Variants in GPHN observed in about 807,000 individuals in gnomAD.
GPHN encodes gephyrin.
Under a neutral mutation model 95.5 loss-of-function variants are expected in GPHN, and 17 were observed. The observed-to-expected ratio is 0.18, with a 90% CI of 0.12 to 0.27. The LOEUF is 0.27. Among genes scored for constraint, GPHN ranks in the 10% least tolerant of loss-of-function variants. GPHN has a pLI of 1.00. For missense variants in GPHN, 660 were observed against 978.1 expected (o/e 0.67, Z 4.34); for synonymous variants, 320 against 322.5 (o/e 0.99, Z 0.08).
At chr14:67,224,910 T>C in the GPHN span, 1 of 437,280 alleles carries the variant, frequency 2.3e-6, no homozygotes, top group Non-Finnish European at 4.0e-6. Flanking sequence ...GGGAACCTGC[T>C]TGTGAAATTC....
intron 2 of GPHN, among the ~76,000 whole-genome samples, chr14:66,698,810 C>T (rs545046760): frequency 2.0e-5 from 3 of 152,216 alleles, no homozygotes; most frequent in African/African-American, 7.2e-5. Flanking sequence ...CTCTGGGGAA[C>T]CTGCATGTAT....
intron 3 of GPHN, among the ~76,000 whole-genome samples, chr14:66,813,481 G>T (rs1450967151): frequency 1.3e-5 from 2 of 152,208 alleles, no homozygotes; most frequent in African/African-American, 4.8e-5. Context: ...AACAGCTCCA[G>T]GAGCATGGGT....
the GPHN span, chr14:67,575,543 C>T: frequency 1.1e-6 from 1 of 947,074 alleles, no homozygotes; most frequent in South Asian, 1.4e-5. Context: ...ACTCTATGTC[C>T]TGATGAAAGT....
At chr14:67,727,741 G>C in the GPHN span, 1 of 177,600 alleles carries the variant, frequency 5.6e-6, no homozygotes, top group African/African-American at 2.4e-5. Flanking sequence ...AGAGGCCTTT[G>C]GTAACAGGTA....
intron 8 of GPHN, among the ~76,000 whole-genome samples, chr14:66,955,624 A>T (rs1459152592): frequency 6.6e-6 from 1 of 152,150 alleles, no homozygotes; most frequent in Non-Finnish European, 1.5e-5. Context: ...ATATGTATAC[A>T]TGTGCCATGT....
chr14:66,871,268 T>G (rs1038565371), intron 4 of GPHN, among the ~76,000 whole-genome samples: 2 of 152,220 alleles, frequency 1.3e-5, no homozygotes, highest in African/African-American at 4.8e-5. Flanking sequence ...AGTGAAATAC[T>G]CCCTTTCAGC....
At chr14:67,088,602 T>A (rs2077003619) in intron 11 of GPHN, among the ~76,000 whole-genome samples, 1 of 152,228 alleles carries the variant, frequency 6.6e-6, no homozygotes, top group Non-Finnish European at 1.5e-5. Context: ...TCCATTTTCC[T>A]ACGATAGATT....
chr14:66,825,978 T>A (rs1030374273), intron 4 of GPHN, among the ~76,000 whole-genome samples: 24 of 152,338 alleles, frequency 1.6e-4, no homozygotes, highest in African/African-American at 5.5e-4. Flanking sequence ...TGACTACTTA[T>A]GTTAAGATAT....
chr14:66,567,587 A>T (rs1198215067), intron 1 of GPHN, among the ~76,000 whole-genome samples: 3 of 152,180 alleles, frequency 2.0e-5, no homozygotes, highest in Admixed American at 6.5e-5. Context: ...CAGTAATGCA[A>T]CCTGGTTTAT....
chr14:67,196,497 T>C, the GPHN span, among the ~76,000 whole-genome samples: 1 of 152,202 alleles, frequency 6.6e-6, no homozygotes, highest in Non-Finnish European at 1.5e-5. Flanking sequence ...GCTGGGATTA[T>C]AGGCGTGAGC....
intron 8 of GPHN, among the ~76,000 whole-genome samples, chr14:66,953,090 A>G (rs1409275344): frequency 3.3e-5 from 4 of 121,438 alleles, no homozygotes; most frequent in African/African-American, 1.8e-4. Flanking sequence ...GATGCTGAAC[A>G]TCTCTTCATA....
chr14:66,966,966 AAT>A (rs1374630594), intron 9 of GPHN, among the ~76,000 whole-genome samples: 21 of 151,978 alleles, frequency 1.4e-4, no homozygotes, highest in Non-Finnish European at 2.7e-4. Context: ...GAAAAATAAT[AAT>A]GTTAATATTC....
the GPHN span, among the ~76,000 whole-genome samples, chr14:67,608,618 G>A: frequency 6.6e-6 from 1 of 152,156 alleles, no homozygotes; most frequent in South Asian, 2.1e-4. Flanking sequence ...TCTGAATTAG[G>A]ACTTTCTGGT....
chr14:66,727,610 A>G (rs2071366681), intron 2 of GPHN, among the ~76,000 whole-genome samples: 1 of 152,202 alleles, frequency 6.6e-6, no homozygotes. Context: ...TGTTTTAGCA[A>G]AGAGACTTGC....
the GPHN span, chr14:67,224,975 A>C: frequency 7.2e-6 from 5 of 690,582 alleles, no homozygotes; most frequent in Non-Finnish European, 1.2e-5. Context: ...TGGTTAGAAC[A>C]TAATCTGAAT....
chr14:67,375,744 G>T, the GPHN span, among the ~76,000 whole-genome samples: 38 of 152,188 alleles, frequency 2.5e-4, no homozygotes, highest in Non-Finnish European at 4.7e-4. Flanking sequence ...TTAGAATGTA[G>T]TCTCTAAACT....
intron 1 of GPHN, among the ~76,000 whole-genome samples, chr14:66,588,914 C>T (rs1260247420): frequency 1.3e-5 from 2 of 151,850 alleles, no homozygotes; most frequent in African/African-American, 2.4e-5. Context: ...GAAGAGCAAC[C>T]CCAAGACACA....
intron 8 of GPHN, among the ~76,000 whole-genome samples, chr14:66,948,702 C>G (rs1027082116): frequency 2.6e-5 from 4 of 152,230 alleles, no homozygotes; most frequent in African/African-American, 9.6e-5. Flanking sequence ...TCTATTTCAA[C>G]ACATCAAAAC....
At chr14:67,184,626 G>GA (rs897933004), downstream of GPHN, among the ~76,000 whole-genome samples, 7 of 152,022 alleles carry the variant, frequency 4.6e-5, no homozygotes, top group African/African-American at 7.2e-5. Flanking sequence ...TAAAAAGAAG[G>GA]AAAAAAATGA....
Sources: allele counts gnomAD v4.1 joint callset (sites outside exome capture counted in the v4.1 genomes callset), GRCh38; gene constraint gnomAD v4.1.1; transcripts MANE v1.5; gene names NCBI Gene and HGNC (gene_info 2026-07-23, HGNC 2026-07-21).